RNF180: variants seen among roughly 807,000 people sequenced by gnomAD.
The protein encoded by RNF180 is ring finger protein 180.
In RNF180, 38 loss-of-function variants were observed where a neutral mutation model predicts 59.2. The observed-to-expected ratio is 0.64, with a 90% CI of 0.50 to 0.84. The LOEUF is 0.84. Among genes scored for constraint, RNF180 ranks in the 40% least tolerant of loss-of-function variants. RNF180 has a pLI of 0.00. For synonymous variants in RNF180, 262 were observed against 240.3 expected (o/e 1.09, Z -0.84); for missense variants, 705 against 700.9 (o/e 1.01, Z -0.07).
At chr5:64,298,082 A>G (rs1742977624) in intron 5 of RNF180, among the ~76,000 whole-genome samples, 1 of 151,786 alleles carries the variant, frequency 6.6e-6, no homozygotes, top group African/African-American at 2.4e-5. Context: ...TGTTCTCATG[A>G]TGTAGCTCCC....
chr5:64,267,082 A>T (rs745762523), intron 5 of RNF180, among the ~76,000 whole-genome samples: 4 of 151,998 alleles, frequency 2.6e-5, no homozygotes, highest in African/African-American at 9.7e-5. Context: ...CAGCTTCTCT[A>T]CCTGTCTGAA....
intron 7 of RNF180, among the ~76,000 whole-genome samples, chr5:64,337,009 T>TTTTTTTG (rs1745155089): frequency 6.6e-6 from 1 of 151,522 alleles, no homozygotes; most frequent in African/African-American, 2.4e-5. Flanking sequence ...TTGTTGTTTT[T>TTTTTTTG]TTTTTGTTTT....
chr5:64,358,523 A>T (rs1050191326), intron 7 of RNF180, among the ~76,000 whole-genome samples: 5 of 151,864 alleles, frequency 3.3e-5, no homozygotes, highest in Non-Finnish European at 7.4e-5. Context: ...ACTAGAAGAC[A>T]TGAAGAGACC....
chr5:64,319,179 A>C (rs922345882), intron 5 of RNF180, among the ~76,000 whole-genome samples: 1 of 152,002 alleles, frequency 6.6e-6, no homozygotes, highest in Admixed American at 6.6e-5. Flanking sequence ...TTGTTTAAAA[A>C]AAAAAAAAAA....
chr5:64,210,106 A>T (rs1028868740), intron 2 of RNF180, among the ~76,000 whole-genome samples: 3 of 152,130 alleles, frequency 2.0e-5, no homozygotes, highest in Admixed American at 6.6e-5. Flanking sequence ...CTAAAAAAAG[A>T]TGTCTCTGGG....
intron 5 of RNF180, among the ~76,000 whole-genome samples, chr5:64,230,934 A>G (rs1428623434): frequency 2.6e-5 from 4 of 152,212 alleles, no homozygotes; most frequent in African/African-American, 7.2e-5. Context: ...ATCCACCATT[A>G]GTATCATAAT....
chr5:64,243,635 C>G (rs766345541), intron 5 of RNF180, among the ~76,000 whole-genome samples: 16 of 152,174 alleles, frequency 1.1e-4, no homozygotes, highest in Non-Finnish European at 2.2e-4. Flanking sequence ...GACAGAGCAG[C>G]TGGGGGAAGG....
At chr5:64,221,598 TAAATA>T (rs1309238907) in intron 5 of RNF180, among the ~76,000 whole-genome samples, 3 of 152,186 alleles carry the variant, frequency 2.0e-5, no homozygotes, top group Non-Finnish European at 2.9e-5. Flanking sequence ...GCAGTCAAGT[TAAATA>T]AATAAAACTA....
chr5:64,349,766 C>T (rs1172507401), intron 7 of RNF180, among the ~76,000 whole-genome samples: 19 of 152,122 alleles, frequency 1.2e-4, no homozygotes, highest in Admixed American at 1.2e-3. Context: ...AGGACGTGAA[C>T]TCATCCTTTT....
chr5:64,357,189 C>G lies in RNF180; in HGVS notation c.1580-12426C>G, dbSNP rs191469332. 3.6e-4 allele frequency among the ~76,000 whole-genome samples: 55 copies of G among 151,794 alleles called. 1 individual carries two copies. The highest frequency in any genetic ancestry group is 5.8e-4 in the Non-Finnish European group (39 of 67,816). On this transcript the variant is annotated intron_variant, in intron 7 of 7. Coordinates refer to ENST00000389100, the MANE Select transcript of RNF180 (RefSeq NM_001113561.2). ...ACTTTCAGAATTAATACTTTTTACT[C>G]TAGGAGCCTAAGGGTATAGGAGAAA...
chr5:64,297,813 A>G (rs1742962428), intron 5 of RNF180, among the ~76,000 whole-genome samples: 1 of 152,244 alleles, frequency 6.6e-6, no homozygotes, highest in South Asian at 2.1e-4. Flanking sequence ...AGGAAAATTA[A>G]AAAGATATTT....
intron 4 of RNF180, among the ~76,000 whole-genome samples, chr5:64,216,203 A>G (rs1269764471): frequency 3.9e-5 from 6 of 152,160 alleles, no homozygotes; most frequent in African/African-American, 1.4e-4. Flanking sequence ...AGTGTATGGC[A>G]GCACAGAAAT....
intron 7 of RNF180, among the ~76,000 whole-genome samples, chr5:64,332,078 A>G (rs1190404612): frequency 6.6e-6 from 1 of 152,124 alleles, no homozygotes; most frequent in East Asian, 1.9e-4. Context: ...ACCCCTTGCC[A>G]TTCTGCACCT....
chr5:64,359,848 A>C (rs1042782307), intron 7 of RNF180, among the ~76,000 whole-genome samples: 3 of 152,074 alleles, frequency 2.0e-5, no homozygotes, highest in Non-Finnish European at 4.4e-5. Context: ...TCAGCTTTCT[A>C]CATATGGCTA....
At chr5:64,284,370 C>T (rs1377016327) in intron 5 of RNF180, among the ~76,000 whole-genome samples, 2 of 152,062 alleles carry the variant, frequency 1.3e-5, no homozygotes, top group African/African-American at 4.8e-5. Flanking sequence ...TGCAGAGATT[C>T]CCTGCATTTT....
At chr5:64,306,498 A>G (rs1352509702) in intron 5 of RNF180, among the ~76,000 whole-genome samples, 3 of 151,732 alleles carry the variant, frequency 2.0e-5, no homozygotes, top group African/African-American at 4.8e-5. Flanking sequence ...TGACCTATAT[A>G]TAAAAAGGAA....
rs564366077 is a variant in RNF180, at chr5:64,291,716, C to T, written c.1228-33470C>T. 7.9e-5 allele frequency among the ~76,000 whole-genome samples: 12 copies of T among 152,108 alleles called. No homozygotes were observed. In the East Asian group the frequency reaches 1.5e-3, roughly 20 times the overall value. ...TGCTAGGATTACAGGCGTGAGCCAC[C>T]GTGCCCGGCCCTGAAGTATGTTTTC... On this transcript the variant is annotated intron_variant, in intron 5 of 7. Coordinates refer to ENST00000389100, the MANE Select transcript of RNF180 (RefSeq NM_001113561.2).
intron 7 of RNF180, among the ~76,000 whole-genome samples, chr5:64,368,903 G>C (rs1160029861): frequency 6.6e-6 from 1 of 152,016 alleles, no homozygotes; most frequent in Admixed American, 6.6e-5. Flanking sequence ...TCAGTGTGGC[G>C]AGTCCTCAGG....
intron 5 of RNF180, among the ~76,000 whole-genome samples, chr5:64,263,158 GTTTA>G (rs757720341): frequency 2.0e-5 from 3 of 152,168 alleles, no homozygotes; most frequent in East Asian, 1.9e-4. Context: ...ATAAAATTCT[GTTTA>G]TTTATTCACC....
Sources: allele counts gnomAD v4.1 joint callset (sites outside exome capture counted in the v4.1 genomes callset), GRCh38; gene constraint gnomAD v4.1.1; transcripts MANE v1.5; gene names NCBI Gene and HGNC (gene_info 2026-07-23, HGNC 2026-07-21).